BCOR: variants seen among roughly 807,000 people sequenced by gnomAD.
The protein encoded by BCOR is BCL-6 corepressor.
BCOR carries 10 observed loss-of-function variants against 86.7 expected under a neutral mutation model. That is an observed-to-expected ratio of 0.12 (90% CI 0.07 to 0.20). The LOEUF (loss-of-function observed/expected upper bound fraction) is 0.20, where lower values mean the gene tolerates loss of function less well. Among genes scored for constraint, BCOR ranks in the 10% least tolerant of loss-of-function variants. The pLI, the probability that BCOR is intolerant of heterozygous loss-of-function variation, is 1.00. For synonymous variants in BCOR, 611 were observed against 609.0 expected (o/e 1.00, Z -0.05); for missense variants, 1,259 against 1,452.1 (o/e 0.87, Z 2.16).
At chrX:40,139,464 T>C (rs7472488) in intron 1 of BCOR, among the ~76,000 whole-genome samples, 1 of 2,923 alleles carries the variant, frequency 3.4e-4, no homozygotes, top group Admixed American at 6.1e-3. Context: ...TACATATATA[T>C]ATATATATAT....
chrX:40,109,298 C>T (rs1315434378), intron 1 of BCOR, among the ~76,000 whole-genome samples: 1 of 109,975 alleles, frequency 9.1e-6, no homozygotes, highest in Non-Finnish European at 1.9e-5. Flanking sequence ...CCTGGCGCGG[C>T]TGGCTCGACT....
intron 1 of BCOR, among the ~76,000 whole-genome samples, chrX:40,083,210 A>G (rs1014070053): frequency 2.7e-5 from 3 of 109,946 alleles, no homozygotes; most frequent in African/African-American, 1.0e-4. Flanking sequence ...AGAGTAAGAT[A>G]CCCCAAGGCT....
intron 1 of BCOR, among the ~76,000 whole-genome samples, chrX:40,175,007 G>A (rs1938711292): frequency 8.8e-6 from 1 of 113,285 alleles, no homozygotes; most frequent in Admixed American, 9.3e-5. Context: ...CCCGAGAAGG[G>A]GCAGGCGGCC....
chrX:40,107,201 C>T (rs73468240), intron 1 of BCOR, among the ~76,000 whole-genome samples: 1,409 of 111,744 alleles, frequency 0.013, 23 homozygotes, highest in African/African-American at 0.044. Context: ...GGATCTAGGG[C>T]GAAAGCGGGG....
At chrX:40,063,102 G>A in intron 8 of BCOR, 31 bp from the exon 9 acceptor site, 1 of 1,019,907 alleles carries the variant, frequency 9.8e-7, no homozygotes, top group Non-Finnish European at 1.3e-6. Context: ...GGGGTGGCGG[G>A]CGGATGGGAG....
intron 1 of BCOR, among the ~76,000 whole-genome samples, chrX:40,158,282 G>A (rs770856000): frequency 1.8e-5 from 2 of 112,435 alleles, no homozygotes; most frequent in African/African-American, 6.4e-5. Flanking sequence ...CGGCTGACAC[G>A]GGGCTGTCGC....
At chrX:40,176,570 C>T (rs1938759519) in intron 1 of BCOR, among the ~76,000 whole-genome samples, 1 of 112,801 alleles carries the variant, frequency 8.9e-6, no homozygotes, top group Admixed American at 9.2e-5. Flanking sequence ...CCCGGGAGCC[C>T]GCTTCCGTGT....
At position 40,086,648 on chromosome X, in the gene BCOR, G is replaced by A. The variant is rs758376465; in HGVS notation, c.-40-8679C>T. Among the ~76,000 whole-genome samples the A allele has an allele frequency of 7.0e-5, 8 of 114,028 alleles. No homozygotes were observed. In the South Asian group the frequency reaches 2.8e-3, roughly 40 times the overall value. On this transcript the variant is annotated intron_variant, in intron 1 of 14. Coordinates refer to ENST00000378444, the MANE Select transcript of BCOR (RefSeq NM_001123385.2). ...ACCTCTGCAGCTCGTCCATGGGCCT[G>A]CATAGTGCGCGCTTTGTGTAAGTGC...
intron 4 of BCOR, 38 bp downstream of exon 4, chrX:40,072,311 A>G: frequency 8.5e-7 from 1 of 1,179,607 alleles, no homozygotes; most frequent in Non-Finnish European, 1.1e-6. Context: ...AAAACTGACA[A>G]CTGGTAAAGT....
intron 1 of BCOR, among the ~76,000 whole-genome samples, chrX:40,150,521 A>G (rs1380122130): frequency 1.8e-5 from 2 of 112,287 alleles, no homozygotes; most frequent in African/African-American, 6.5e-5. Flanking sequence ...AAGCGGAGGA[A>G]AGAGGTGGAA....
intron 1 of BCOR, among the ~76,000 whole-genome samples, chrX:40,104,476 T>C (rs1340536788): frequency 1.8e-5 from 2 of 111,526 alleles, no homozygotes; most frequent in Non-Finnish European, 3.8e-5. Flanking sequence ...AAGGTTTTGG[T>C]ATCAGACTCC....
intron 1 of BCOR, among the ~76,000 whole-genome samples, chrX:40,124,296 A>G (rs750423812): frequency 1.8e-5 from 2 of 109,609 alleles, no homozygotes; most frequent in East Asian, 5.7e-4. Flanking sequence ...TCTTTGAGAC[A>G]GCATCTCACT....
chrX:40,108,400 G>A (rs1017648079), intron 1 of BCOR, among the ~76,000 whole-genome samples: 3 of 113,570 alleles, frequency 2.6e-5, no homozygotes, highest in African/African-American at 6.4e-5. Context: ...CGGCCGCGCG[G>A]AGCCAGTAAA....
chrX:40,096,906 G>A (rs966277935), intron 1 of BCOR, among the ~76,000 whole-genome samples: 29 of 110,560 alleles, frequency 2.6e-4, no homozygotes, highest in Non-Finnish European at 4.6e-4. Flanking sequence ...ACACACACAG[G>A]CTGCAAACTT....
chrX:40,062,242 T>A lies in BCOR; in HGVS notation c.4325A>T (p.Glu1442Val). 8.3e-7 allele frequency: 1 copy of A among 1,211,155 alleles called. No individual in the cohort carries two copies. The highest frequency in any genetic ancestry group is 1.1e-6 in the Non-Finnish European group (1 of 895,290). ...TQLPCSSSPQ[E>V]TTQSRPMPPE... is the part of the protein sequence containing the mutation. ...CGGCATAGGGCGAGACTGGGTGGTCTCCTGAGGGGAACTTGAGCATGGCAG... is the reference window on the plus strand; with the variant it reads ...CGGCATAGGGCGAGACTGGGTGGTCACCTGAGGGGAACTTGAGCATGGCAG... The change falls in exon 10 of 15, where the codon GAG becomes GTG. Residue 1442 changes from glutamate to valine, a missense_variant. Physicochemically the swap from Glu to Val is moderately radical, Grantham distance 121. Around this residue, in one of 7 missense-constraint regions of BCOR, gnomAD observed 305 missense variants for 286.1 expected, o/e 1.07. Transcript: ENST00000378444.
chrX:40,145,389 T>A (rs1313947527), intron 1 of BCOR, among the ~76,000 whole-genome samples: 2 of 111,435 alleles, frequency 1.8e-5, no homozygotes, highest in Non-Finnish European at 3.8e-5. Flanking sequence ...ACACACCCTG[T>A]GGTGGGCCCA....
chrX:40,153,754 G>A (rs1452768848), intron 1 of BCOR, among the ~76,000 whole-genome samples: 1 of 112,449 alleles, frequency 8.9e-6, no homozygotes, highest in East Asian at 2.8e-4. Context: ...CGGCATCAGA[G>A]TGCAGCCGCG....
Position 40,072,837 on chromosome X carries a change from G to A in BCOR, c.2509C>T (p.Pro837Ser), listed in dbSNP as rs587778098. The change falls in exon 4 of 15, where the codon CCC becomes TCC. Residue 837 changes from proline (P) to serine (S), a missense_variant. Coordinates refer to ENST00000378444, the MANE Select transcript of BCOR (RefSeq NM_001123385.2). ...GCCGGCTCAACTGAGGGCTTGGGGG[G>A]CTCAGCGCTCTGGCCAACACTCTCT... ...AAESVGQSAE[P>S]PKPSVEPALQ... 1.7e-6 allele frequency: 2 copies of A among 1,211,787 alleles called. No individual in the cohort carries two copies. The highest frequency in any genetic ancestry group is 5.9e-5 in the East Asian group (2 of 33,859).
At chrX:40,168,210 C>T (rs1938544172) in intron 1 of BCOR, among the ~76,000 whole-genome samples, 1 of 113,307 alleles carries the variant, frequency 8.8e-6, no homozygotes, top group Non-Finnish European at 1.9e-5. Flanking sequence ...TTCTTCCGTC[C>T]TTTATGTGTG....
Sources: gnomAD v4.1 joint callset for allele counts (sites outside exome capture counted in the v4.1 genomes callset) on GRCh38, gnomAD v4.1.1 for gene constraint, gnomAD v4.1.1 regional missense constraint, MANE v1.5 for transcripts, NCBI Gene and HGNC (gene_info 2026-07-23, HGNC 2026-07-21) for gene names.